The following MYO5C variants were observed in gnomAD, a reference collection of about 807,000 sequenced individuals.
The protein encoded by MYO5C is unconventional myosin-Vc.
Under a neutral mutation model 235.7 loss-of-function variants are expected in MYO5C, and 194 were observed. The ratio of observed to expected loss-of-function variants is 0.82; its 90% CI spans 0.73 to 0.93. MYO5C has a LOEUF of 0.93. Among genes scored for constraint, MYO5C ranks in the 40% least tolerant of loss-of-function variants. The probability of loss-of-function intolerance (pLI) is 0.00; values close to 1 mark genes in which losing one functional copy is unlikely to be tolerated. For missense variants in MYO5C, 2,038 were observed against 2,127.2 expected, an observed-to-expected ratio of 0.96 and a Z score of 0.82; for synonymous variants, 707 against 754.8, an observed-to-expected ratio of 0.94 and a Z score of 1.04.
chr15:52,223,510 T>G, intron 29 of MYO5C, 34 bp downstream of exon 29: 6 of 1,591,720 alleles, frequency 3.8e-6, no homozygotes, highest in Non-Finnish European at 4.3e-6. Context: ...TCTAGTATGA[T>G]GGCCACGACT....
intron 13 of MYO5C, 166 bp downstream of exon 13, chr15:52,251,224 T>G (rs891948261): frequency 1.4e-5 from 7 of 510,388 alleles, no homozygotes; most frequent in South Asian, 1.5e-4. Flanking sequence ...TTGGAACTCA[T>G]GTATCTCGCC....
chr15:52,260,326 C>G (rs1181274080), intron 10 of MYO5C, among the ~76,000 whole-genome samples: 1 of 152,182 alleles, frequency 6.6e-6, no homozygotes. Flanking sequence ...TGATCAGAGA[C>G]CTGGGTTCAG....
rs542495296 is a variant in MYO5C, at chr15:52,258,623, C to T, written c.1314-1903G>A. ...CTCAAAAGTTGCAGGTATGCCTAGG[C>T]GAGGGTTAGCCTAGAAGCGAGGCTG... On this transcript the variant is annotated intron_variant, in intron 10 of 40. Transcript: ENST00000261839. Among the ~76,000 whole-genome samples the T allele has an allele frequency of 7.2e-5, 11 of 152,170 alleles. No homozygotes were observed. The East Asian group carries it at 1.7e-3, about 24-fold the overall frequency.
At chr15:52,221,843 CTG>C (rs1297084567) in intron 29 of MYO5C, among the ~76,000 whole-genome samples, 5 of 152,148 alleles carry the variant, frequency 3.3e-5, no homozygotes, top group African/African-American at 1.2e-4. Context: ...ATCCAGGCCT[CTG>C]AAGTCTAAAT....
At chr15:52,261,166 C>A (rs1464224023) in intron 9 of MYO5C, 39 bp from the exon 10 acceptor site, 2 of 1,603,724 alleles carry the variant, frequency 1.2e-6, no homozygotes, top group East Asian at 4.5e-5. Context: ...GTGGCCCAGC[C>A]ATCCAAAGAC....
In MYO5C at chr15:52,192,644, G is replaced by C. The variant is rs1077383; in HGVS notation, c.*1258C>G. ...TGAGGTTTTAGGCTCTGAAAGGAAG[G>C]AATGAGAAGGTGTGCCGGGACAAGG... On this transcript the variant is annotated 3_prime_UTR_variant, in exon 41 of 41. Coordinates refer to ENST00000261839, the MANE Select transcript of MYO5C (RefSeq NM_018728.4). 0.16 allele frequency: 24,513 copies of C among 152,154 alleles called. 2,228 individuals are homozygous for C. Among genetic ancestry groups the C allele is most frequent in the Admixed American group, 0.28 (4,247 of 15,282 alleles). The allele number at this position is 152,154 out of a possible 1,614,324, so 9.4% of individuals were successfully genotyped here. A position where few individuals can be genotyped will look rare whatever the true frequency, so the allele number is the denominator to read the frequency against.
chr15:52,196,187 G>T (rs945572099), intron 39 of MYO5C, 122 bp downstream of exon 39: 1 of 832,598 alleles, frequency 1.2e-6, no homozygotes, highest in Non-Finnish European at 1.8e-6. Flanking sequence ...TGGGTGATAG[G>T]TATGCTCCCG....
chr15:52,281,909 G>C (rs1366071227), intron 2 of MYO5C, among the ~76,000 whole-genome samples: 1 of 152,162 alleles, frequency 6.6e-6, no homozygotes. Flanking sequence ...CTGGGATCTA[G>C]ATGGAGCACA....
At chr15:52,250,751 C>A (rs1473718461) in intron 13 of MYO5C, among the ~76,000 whole-genome samples, 1 of 152,194 alleles carries the variant, frequency 6.6e-6, no homozygotes, top group East Asian at 1.9e-4. Flanking sequence ...AACACCCAAC[C>A]AGGACATGGG....
At chr15:52,237,911 T>C (rs1278174625) in intron 21 of MYO5C, among the ~76,000 whole-genome samples, 2 of 150,758 alleles carry the variant, frequency 1.3e-5, no homozygotes, top group East Asian at 2.0e-4. Context: ...CCTAGTGTTA[T>C]GAACTGTGCC....
intron 32 of MYO5C, among the ~76,000 whole-genome samples, chr15:52,216,285 G>A (rs144624633): frequency 0.018 from 2,700 of 152,256 alleles, 58 homozygotes; most frequent in African/African-American, 0.047. Context: ...TGTGATCATA[G>A]CTCACTGCAG....
intron 1 of MYO5C, among the ~76,000 whole-genome samples, chr15:52,285,965 C>T (rs1051086340): frequency 6.6e-6 from 1 of 151,946 alleles, no homozygotes; most frequent in East Asian, 1.9e-4. Flanking sequence ...TCTTCCCGGC[C>T]GCCATCCCAT....
chr15:52,244,208 A>G, intron 19 of MYO5C, 148 bp downstream of exon 19: 1 of 692,246 alleles, frequency 1.4e-6, no homozygotes, highest in Non-Finnish European at 2.4e-6. Context: ...TTCTTGCCCT[A>G]ATGCTCACGA....
chr15:52,295,775 G>GCCT lies in MYO5C; in HGVS notation c.-142_-140dup. The stretch of plus-strand genomic sequence containing the variant: ...CCATCTTGCCCAAAGTTTTCCAACG[G>GCCT]CCTCCTGTTCCCGTTCCCGAGTTGG... On this transcript the variant is annotated 5_prime_UTR_variant, in exon 1 of 41. Coordinates refer to ENST00000261839, the MANE Select transcript of MYO5C (RefSeq NM_018728.4). The GCCT allele has an allele frequency of 3.7e-6, 2 of 536,676 alleles. No individual in the cohort carries two copies. Among genetic ancestry groups the GCCT allele is most frequent in the Non-Finnish European group, 6.0e-6 (2 of 334,334 alleles). 33.2% of individuals were successfully genotyped at this position (536,676 alleles called of 1,614,324 possible).
chr15:52,224,904 G>A lies in MYO5C; in HGVS notation c.3443C>T (p.Thr1148Ile). Residue 1148 changes from threonine to isoleucine, a missense_variant, in exon 28 of 41, where the codon ACA (threonine) becomes ATA (isoleucine). Thr to Ile is a moderately conservative substitution (Grantham distance 89). Transcript: ENST00000261839. Reference protein sequence around the residue: ...WFAYEGLKKATRVLESHFQSQ... With the variant: ...WFAYEGLKKAIRVLESHFQSQ... ...ATCCCTGAGGAGAATTTCTAACCGT[G>A]TTGCTTTCTTTAGTCCTTCATAAGC... The A allele has an allele frequency of 6.2e-7, 1 of 1,611,746 alleles. No individual in the cohort carries two copies. Among genetic ancestry groups the A allele is most frequent in the Non-Finnish European group, 8.5e-7 (1 of 1,178,800 alleles).
chr15:52,232,256 G>GAAGGAAGGAGAGAAA lies in MYO5C; in HGVS notation c.3026+365_3026+366insTTTCTCTCCTTCCTT, dbSNP rs1566971591. ...AAGAAAGAAAGAAGGAAGGAGAGAA[G>GAAGGAAGGAGAGAAA]GAAGGAAGGAGAGAAGGAAGGAAGG... On this transcript the variant is annotated intron_variant, in intron 24 of 40. Transcript: ENST00000261839. Among the ~76,000 whole-genome samples the GAAGGAAGGAGAGAAA allele has an allele frequency of 2.0e-3, 112 of 56,184 alleles. 13 individuals carry two copies. Among genetic ancestry groups the GAAGGAAGGAGAGAAA allele is most frequent in the African/African-American group, 9.2e-3 (107 of 11,624 alleles). 36.9% of individuals were successfully genotyped at this position (56,184 alleles called of 152,430 possible). A position where few individuals can be genotyped will look rare whatever the true frequency, so the allele number is the denominator to read the frequency against.
chr15:52,268,387 AC>A (rs2036854967), intron 8 of MYO5C, among the ~76,000 whole-genome samples: 2 of 152,094 alleles, frequency 1.3e-5, no homozygotes, highest in African/African-American at 4.8e-5. Flanking sequence ...ACACGGTGAA[AC>A]CCTGTATCTA....
chr15:52,277,285 T>C (rs916980779), intron 4 of MYO5C: 1 of 517,392 alleles, frequency 1.9e-6, no homozygotes, highest in Non-Finnish European at 3.9e-6. Context: ...AAGGAGAAAC[T>C]GGCTCTTTAG....
At chr15:52,287,039 G>A (rs1348323876) in intron 1 of MYO5C, among the ~76,000 whole-genome samples, 1 of 150,900 alleles carries the variant, frequency 6.6e-6, no homozygotes, top group East Asian at 1.9e-4. Context: ...GGACAATGCT[G>A]GATGAGGAAC....
Sources: gnomAD v4.1 joint callset for allele counts (sites outside exome capture counted in the v4.1 genomes callset) on GRCh38, gnomAD v4.1.1 for gene constraint, MANE v1.5 for transcripts, NCBI Gene and HGNC (gene_info 2026-07-23, HGNC 2026-07-21) for gene names.